Variants in CACNA2D3 observed in about 807,000 individuals in gnomAD.
CACNA2D3 encodes voltage-dependent calcium channel subunit alpha-2/delta-3.
CACNA2D3 carries 60 observed loss-of-function variants against 160.6 expected under a neutral mutation model. That is an observed-to-expected ratio of 0.37 (90% confidence interval 0.30 to 0.46). The LOEUF (loss-of-function observed/expected upper bound fraction) is 0.46. CACNA2D3 is among the 20% of genes least tolerant of loss of function. CACNA2D3 has a pLI of 1.00. For synonymous variants in CACNA2D3, 558 were observed against 492.9 expected (o/e 1.13, Z -1.75); for missense variants, 1,205 against 1,365.0 (o/e 0.88, Z 1.85).
intron 27 of CACNA2D3, among the ~76,000 whole-genome samples, chr3:54,936,851 A>T (rs753328354): frequency 6.6e-6 from 1 of 152,168 alleles, no homozygotes; most frequent in Admixed American, 6.5e-5. Flanking sequence ...AAGCTCCTTC[A>T]TGTGTTGTCA....
At chr3:54,216,474 C>T (rs1701465592) in intron 2 of CACNA2D3, among the ~76,000 whole-genome samples, 1 of 152,176 alleles carries the variant, frequency 6.6e-6, no homozygotes, top group Non-Finnish European at 1.5e-5. Context: ...TATCCAGTTG[C>T]CATCCAGCTT....
intron 2 of CACNA2D3, among the ~76,000 whole-genome samples, chr3:54,189,350 T>C (rs1239761711): frequency 6.6e-6 from 1 of 152,152 alleles, no homozygotes; most frequent in Non-Finnish European, 1.5e-5. Flanking sequence ...GGGTGTTCCA[T>C]CCATTAATTA....
At chr3:54,584,956 A>G (rs147722162) in intron 9 of CACNA2D3, among the ~76,000 whole-genome samples, 2 of 152,362 alleles carry the variant, frequency 1.3e-5, no homozygotes, top group African/African-American at 2.4e-5. Flanking sequence ...AAATAAAGGC[A>G]TTCTCAATGG....
chr3:54,767,188 A>G (rs979049158), intron 13 of CACNA2D3, among the ~76,000 whole-genome samples: 31 of 152,146 alleles, frequency 2.0e-4, no homozygotes, highest in Non-Finnish European at 3.8e-4. Context: ...GATTGGGGGG[A>G]AATTAAAAGT....
chr3:54,554,870 C>CTTTTTTTTTTTTT lies in CACNA2D3; in HGVS notation c.545-7921_545-7909dup, dbSNP rs66526065. Among the ~76,000 whole-genome samples the CTTTTTTTTTTTTT allele has an allele frequency of 2.3e-4, 22 of 96,132 alleles. 1 individual carries two copies. Among genetic ancestry groups the CTTTTTTTTTTTTT allele is most frequent in the South Asian group, 4.3e-4 (1 of 2,316 alleles). 63.1% of individuals were successfully genotyped at this position (96,132 alleles called of 152,430 possible). A position where few individuals can be genotyped will look rare whatever the true frequency, so the allele number is the denominator to read the frequency against. ...TTTCTTTTCTTTTCTCTCTCACTCTCTTTTTTTTTTTTTTTTTTTTTGGAG... is the reference window on the plus strand; with the variant it reads ...TTTCTTTTCTTTTCTCTCTCACTCTCTTTTTTTTTTTTTTTTTTTTTTTTTTTTTTTTTTGGAG... On this transcript the variant is annotated intron_variant, in intron 5 of 37. Coordinates refer to ENST00000474759, the MANE Select transcript of CACNA2D3 (RefSeq NM_018398.3).
intron 17 of CACNA2D3, among the ~76,000 whole-genome samples, chr3:54,860,619 C>A (rs371373731): frequency 2.6e-5 from 4 of 152,322 alleles, no homozygotes; most frequent in African/African-American, 9.6e-5. Context: ...GTATGGAATT[C>A]TAGGGACCTG....
At chr3:54,167,766 A>G (rs569275154) in intron 2 of CACNA2D3, among the ~76,000 whole-genome samples, 252 of 152,270 alleles carry the variant, frequency 1.7e-3, no homozygotes, top group African/African-American at 5.7e-3. Context: ...GCGGAAGTGG[A>G]ATGGAAGTCC....
At chr3:54,509,301 G>C (rs1218887820) in intron 5 of CACNA2D3, among the ~76,000 whole-genome samples, 3 of 151,964 alleles carry the variant, frequency 2.0e-5, no homozygotes, top group African/African-American at 7.3e-5. Context: ...TTGTGTGTGT[G>C]TGTGTGTGTG....
At chr3:54,859,187 C>T (rs1699232046) in intron 17 of CACNA2D3, among the ~76,000 whole-genome samples, 1 of 152,208 alleles carries the variant, frequency 6.6e-6, no homozygotes, top group Non-Finnish European at 1.5e-5. Flanking sequence ...TTATAAGCAG[C>T]TGTCATTTTT....
chr3:54,561,463 A>C (rs978527884), intron 5 of CACNA2D3, among the ~76,000 whole-genome samples: 1 of 152,206 alleles, frequency 6.6e-6, no homozygotes, highest in South Asian at 2.1e-4. Context: ...TTATGAGCTT[A>C]AGAAGCTTTT....
intron 11 of CACNA2D3, among the ~76,000 whole-genome samples, chr3:54,751,119 A>G (rs1701849611): frequency 6.6e-6 from 1 of 152,018 alleles, no homozygotes; most frequent in Non-Finnish European, 1.5e-5. Flanking sequence ...CTCCCAATTT[A>G]AAAAACAAAA....
intron 5 of CACNA2D3, among the ~76,000 whole-genome samples, chr3:54,507,631 C>T (rs1391128068): frequency 6.6e-6 from 1 of 152,114 alleles, no homozygotes; most frequent in Non-Finnish European, 1.5e-5. Context: ...TGGCTGATAG[C>T]AAAGAAACTT....
intron 4 of CACNA2D3, among the ~76,000 whole-genome samples, chr3:54,448,817 C>T (rs1489325865): frequency 3.3e-5 from 5 of 152,176 alleles, no homozygotes; most frequent in African/African-American, 1.2e-4. Flanking sequence ...ATTACAATGT[C>T]TTATTTTCAC....
chr3:54,247,019 C>A (rs6774004), intron 2 of CACNA2D3, among the ~76,000 whole-genome samples: 2,572 of 152,178 alleles, frequency 0.017, 37 homozygotes, highest in Non-Finnish European at 0.029. Flanking sequence ...CAGATTAAAA[C>A]CATATCCTAC....
intron 2 of CACNA2D3, among the ~76,000 whole-genome samples, chr3:54,142,667 C>A (rs1699958986): frequency 6.6e-6 from 1 of 152,122 alleles, no homozygotes; most frequent in South Asian, 2.1e-4. Context: ...TTCAGAATAC[C>A]TAAGACATAT....
At chr3:54,773,455 C>A (rs1322047662) in intron 13 of CACNA2D3, among the ~76,000 whole-genome samples, 2 of 152,138 alleles carry the variant, frequency 1.3e-5, no homozygotes, top group African/African-American at 4.8e-5. Flanking sequence ...ACAGAGAATG[C>A]CATCTGCATT....
chr3:54,600,242 C>T lies in CACNA2D3; in HGVS notation c.963+18365C>T, dbSNP rs548926798. On this transcript the variant is annotated intron_variant, in intron 9 of 37. Coordinates refer to ENST00000474759, the MANE Select transcript of CACNA2D3 (RefSeq NM_018398.3). ...AGCTTTACTCCCACCTGCCTAAACC[C>T]TCTGAGTTTCCCTCACTCTGGGTCA... Among the ~76,000 whole-genome samples the T allele has an allele frequency of 1.1e-4, 16 of 152,298 alleles. No individual in the cohort carries two copies. The South Asian group carries it at 3.3e-3, about 32-fold the overall frequency.
intron 35 of CACNA2D3, among the ~76,000 whole-genome samples, chr3:55,033,142 T>G (rs1372782860): frequency 1.3e-5 from 2 of 152,148 alleles, no homozygotes; most frequent in Non-Finnish European, 2.9e-5. Context: ...CCTGAGGTCC[T>G]ACAGGGAGGA....
chr3:54,905,276 G>A (rs1700428821), intron 27 of CACNA2D3, among the ~76,000 whole-genome samples: 1 of 152,280 alleles, frequency 6.6e-6, no homozygotes, highest in South Asian at 2.1e-4. Context: ...TGAAGGGGAA[G>A]ATCCCATTTA....
Sources: gnomAD v4.1 joint callset for allele counts (sites outside exome capture counted in the v4.1 genomes callset) on GRCh38, gnomAD v4.1.1 for gene constraint, MANE v1.5 for transcripts, NCBI Gene and HGNC (gene_info 2026-07-23, HGNC 2026-07-21) for gene names.